The following C8orf34 variants were observed in gnomAD, a reference collection of about 807,000 sequenced individuals.
C8orf34 encodes chromosome 8 open reading frame 34.
A neutral mutation model predicts 68.3 loss-of-function variants in C8orf34; 65 were observed. The observed-to-expected ratio is 0.95, with a 90% confidence interval of 0.78 to 1.17. C8orf34 has a LOEUF of 1.17. C8orf34 is among the 50% of genes most tolerant of loss of function. C8orf34 has a pLI of 0.00. For synonymous variants in C8orf34, 244 were observed against 241.2 expected, an observed-to-expected ratio of 1.01 and a Z score of -0.11; for missense variants, 664 against 655.4, an observed-to-expected ratio of 1.01 and a Z score of -0.14.
rs59081528 is a variant in C8orf34 at position 68,575,956 on chromosome 8, G to GT, written c.1105+42828dup. 1.3e-3 allele frequency among the ~76,000 whole-genome samples: 128 copies of GT among 96,336 alleles called. 2 individuals are homozygous for GT. The highest frequency in any genetic ancestry group is 0.011 in the South Asian group (25 of 2,380). 63.2% of individuals were successfully genotyped at this position (96,336 alleles called of 152,430 possible). On this transcript the variant is annotated intron_variant, in intron 7 of 13. Transcript: ENST00000518698. Reference sequence around the variant, plus strand: ...GCTGACATAATGCTAGTAGATGGTTGTTTTTTTTTTTTTTTTTTTTTGCCT... The same window carrying GT: ...GCTGACATAATGCTAGTAGATGGTTGTTTTTTTTTTTTTTTTTTTTTTGCCT...
chr8:68,729,970 C>T (rs6996725), intron 10 of C8orf34, among the ~76,000 whole-genome samples: 47,998 of 151,716 alleles, frequency 0.32, 7,911 homozygotes, highest in African/African-American at 0.41. Context: ...TTTTAGAGGG[C>T]TTGTGATTTT....
intron 7 of C8orf34, among the ~76,000 whole-genome samples, chr8:68,549,551 T>C (rs914268392): frequency 7.9e-5 from 12 of 151,736 alleles, no homozygotes; most frequent in African/African-American, 2.7e-4. Flanking sequence ...TGCATTTCAC[T>C]GCACATTTTA....
intron 7 of C8orf34, among the ~76,000 whole-genome samples, chr8:68,538,454 A>C (rs2129902086): frequency 6.7e-6 from 1 of 149,126 alleles, no homozygotes; most frequent in East Asian, 2.0e-4. Flanking sequence ...AAAATGAGAT[A>C]TTTCTCTAAA....
At chr8:68,390,950 A>G (rs186295757) in intron 1 of C8orf34, among the ~76,000 whole-genome samples, 1 of 152,256 alleles carries the variant, frequency 6.6e-6, no homozygotes, top group Admixed American at 6.5e-5. Context: ...AAGGCCTTCA[A>G]CTAGTAGGAT....
intron 7 of C8orf34, among the ~76,000 whole-genome samples, chr8:68,582,191 G>A (rs963623951): frequency 1.3e-5 from 2 of 152,122 alleles, no homozygotes; most frequent in African/African-American, 4.8e-5. Context: ...TGTATGGTTA[G>A]ACTCAATGAA....
At chr8:68,343,344 T>G (rs989069620) in intron 1 of C8orf34, among the ~76,000 whole-genome samples, 2 of 152,214 alleles carry the variant, frequency 1.3e-5, no homozygotes, top group African/African-American at 4.8e-5. Context: ...ACTGAATCAC[T>G]CGTGCTTTGC....
At chr8:68,535,826 G>C in intron 7 of C8orf34, 1 of 975,338 alleles carries the variant, frequency 1.0e-6, no homozygotes, top group Non-Finnish European at 1.2e-6. Flanking sequence ...AGCCAAACTT[G>C]TGAATTTTTA....
At chr8:68,534,826 G>A in intron 7 of C8orf34, 1 of 985,412 alleles carries the variant, frequency 1.0e-6, no homozygotes, top group Non-Finnish European at 1.2e-6. Context: ...CAGCTGCCCT[G>A]ACTGAAGGTT....
In C8orf34 at chr8:68,721,427, TA is replaced by T; in HGVS notation, c.1396del (p.Thr466GlnfsTer10). The T allele has an allele frequency of 6.2e-7, 1 of 1,603,972 alleles. No individual in the cohort carries two copies. Among genetic ancestry groups the T allele is most frequent in the Non-Finnish European group, 8.5e-7 (1 of 1,172,224 alleles). On this transcript the variant is annotated frameshift_variant, in exon 10 of 14. Transcript: ENST00000518698. LOFTEE classifies it high-confidence loss of function. ...GACGAATTTGAGAAAGCATCTAAAC[TA>T]ACAGGACCTGTAAGTATATTCATTG... is the stretch of plus-strand genomic sequence containing the variant. Reference protein sequence around the residue: ...EGDEFEKASKLTGPGEASSGV... With the variant: ...EGDEFEKASKXTGPGEASSGV...
intron 10 of C8orf34, among the ~76,000 whole-genome samples, chr8:68,744,070 C>A (rs1474660676): frequency 6.6e-6 from 1 of 152,222 alleles, no homozygotes; most frequent in Non-Finnish European, 1.5e-5. Context: ...AAGTGGGTCC[C>A]TGACCCCTGA....
chr8:68,677,653 G>T (rs553494440), intron 8 of C8orf34, among the ~76,000 whole-genome samples: 1 of 151,958 alleles, frequency 6.6e-6, no homozygotes. Context: ...ACCATGCCTG[G>T]CCCTAACAAT....
chr8:68,406,461 C>T (rs1156941643), intron 1 of C8orf34, among the ~76,000 whole-genome samples: 1 of 151,756 alleles, frequency 6.6e-6, no homozygotes, highest in East Asian at 1.9e-4. Flanking sequence ...AGTTTCTTCT[C>T]TTTTTTAAAT....
intron 1 of C8orf34, among the ~76,000 whole-genome samples, chr8:68,395,398 AACAC>A (rs1808661519): frequency 7.3e-6 from 1 of 136,626 alleles, no homozygotes; most frequent in Non-Finnish European, 1.6e-5. Context: ...CACACACACA[AACAC>A]ACACACATTC....
At chr8:68,804,538 T>G (rs560866071) in intron 12 of C8orf34, among the ~76,000 whole-genome samples, 1 of 152,216 alleles carries the variant, frequency 6.6e-6, no homozygotes, top group South Asian at 2.1e-4. Flanking sequence ...AACCTTCAAT[T>G]GAGAGGCCAA....
rs113788548 is a variant in C8orf34 at position 68,784,802 on chromosome 8, ATGTG to A, written c.1456-2619_1456-2616del. 8.0e-3 allele frequency among the ~76,000 whole-genome samples: 1,158 copies of A among 144,472 alleles called. 18 individuals carry two copies. The highest frequency in any genetic ancestry group is 0.027 in the African/African-American group (1,074 of 39,174). 94.8% of individuals were successfully genotyped at this position (144,472 alleles called of 152,430 possible). On this transcript the variant is annotated intron_variant, in intron 11 of 13. Transcript: ENST00000518698. ...CTTCCATCATTGTGTATGTGTGTGTATGTGTGTGTGTGTGTGTGTGTGTGTTTTC... is the reference window on the plus strand; with the variant it reads ...CTTCCATCATTGTGTATGTGTGTGTATGTGTGTGTGTGTGTGTGTGTTTTC...
intron 3 of C8orf34, chr8:68,447,967 A>C (rs1356173790): frequency 6.6e-6 from 1 of 152,222 alleles, no homozygotes; most frequent in Non-Finnish European, 1.5e-5. Context: ...TTCAATTAAT[A>C]AATGCTAAAT....
chr8:68,407,603 C>A (rs1586071665), intron 1 of C8orf34, among the ~76,000 whole-genome samples: 1 of 152,264 alleles, frequency 6.6e-6, no homozygotes, highest in African/African-American at 2.4e-5. Flanking sequence ...CAGTCTGTTG[C>A]TGTGGGTCTA....
intron 8 of C8orf34, among the ~76,000 whole-genome samples, chr8:68,694,690 A>G (rs1221859315): frequency 6.6e-6 from 1 of 151,998 alleles, no homozygotes; most frequent in African/African-American, 2.4e-5. Context: ...GTGAAAGCTT[A>G]TATTTCACTT....
intron 7 of C8orf34, among the ~76,000 whole-genome samples, chr8:68,577,789 A>G (rs192568589): frequency 5.3e-4 from 80 of 152,076 alleles, no homozygotes; most frequent in Middle Eastern, 3.4e-3. Flanking sequence ...GTGGTATACA[A>G]TATGTTTTTA....
Sources: gnomAD v4.1 joint callset for allele counts (sites outside exome capture counted in the v4.1 genomes callset) on GRCh38, gnomAD v4.1.1 for gene constraint, MANE v1.5 for transcripts, NCBI Gene and HGNC (gene_info 2026-07-23, HGNC 2026-07-21) for gene names.